The following TMEM202 variants were observed in gnomAD, a reference collection of about 807,000 sequenced individuals.
The protein encoded by TMEM202 is transmembrane protein 202.
Under a neutral mutation model 26.1 loss-of-function variants are expected in TMEM202, and 25 were observed. The observed-to-expected ratio is 0.96, with a 90% confidence interval of 0.70 to 1.34. TMEM202 has a LOEUF of 1.34. TMEM202 is among the 40% of genes most tolerant of loss of function. The pLI is 0.00. For synonymous variants in TMEM202, 122 were observed against 119.0 expected (o/e 1.02, Z -0.16); for missense variants, 301 against 327.7 (o/e 0.92, Z 0.63).
Position 72,407,883 on chromosome 15 carries a change from T to G in TMEM202, c.812T>G (p.Leu271Arg). Reference sequence around the variant, plus strand: ...GAGAAAAATTTACCAAAGTCAGGACTGTGGTGGTGATAGGAAAACCTAACT... The same window carrying G: ...GAGAAAAATTTACCAAAGTCAGGACGGTGGTGGTGATAGGAAAACCTAACT... Reference protein sequence around the residue: ...VREKNLPKSGLWW With the variant: ...VREKNLPKSGRWW Residue 271 changes from leucine (L) to arginine (R), a missense_variant, in exon 5 of 5, where the codon CTG becomes CGG. Transcript: ENST00000341689. The G allele has an allele frequency of 6.2e-7, 1 of 1,613,356 alleles. No homozygotes were observed. The highest frequency in any genetic ancestry group is 8.5e-7 in the Non-Finnish European group (1 of 1,179,862).
chr15:72,406,850 C>A, intron 3 of TMEM202, 99 bp downstream of exon 3: 1 of 1,383,442 alleles, frequency 7.2e-7, no homozygotes, highest in Non-Finnish European at 1.0e-6. Context: ...TATCTCTTTG[C>A]TCTTCTTCAG....
In TMEM202 at chr15:72,408,166, CCAGAGA is replaced by C; in HGVS notation, c.*275_*280del. 2.9e-6 allele frequency: 1 copy of C among 346,696 alleles called. No individual in the cohort carries two copies. The highest frequency in any genetic ancestry group is 4.0e-5 in the South Asian group (1 of 24,904). The allele number at this position is 346,696 out of a possible 1,614,324, so 21.5% of individuals were successfully genotyped here. A position where few individuals can be genotyped will look rare whatever the true frequency, so the allele number is the denominator to read the frequency against. On this transcript the variant is annotated 3_prime_UTR_variant, in exon 5 of 5. Transcript: ENST00000341689. ...ACTAGTGAAAGATGCAGTGTGTAGA[CCAGAGA>C]CCTCTTTGGGTATCAGGGATCTCAT... is the stretch of plus-strand genomic sequence containing the variant.
chr15:72,407,562 C>T (rs1283616854), intron 4 of TMEM202, 129 bp from the exon 5 acceptor site: 6 of 781,588 alleles, frequency 7.7e-6, no homozygotes, highest in East Asian at 5.3e-5. Context: ...TAAAGTAACT[C>T]CACTGGGGGA....
intron 2 of TMEM202, among the ~76,000 whole-genome samples, chr15:72,400,789 G>A (rs2063543790): frequency 6.6e-6 from 1 of 152,240 alleles, no homozygotes; most frequent in South Asian, 2.1e-4. Flanking sequence ...ATAAAAGAAT[G>A]GCTACTCCAT....
At position 72,407,890 on chromosome 15, in the gene TMEM202, G is replaced by C. The variant is rs1052305312; in HGVS notation, c.819G>C (p.Trp273Cys). The change falls in exon 5 of 5, where the codon TGG becomes TGC. Residue 273 changes from tryptophan to cysteine, a missense_variant. Trp to Cys is a radical substitution (Grantham distance 215). Coordinates refer to ENST00000341689, the MANE Select transcript of TMEM202 (RefSeq NM_001080462.3). The stretch of plus-strand genomic sequence containing the variant: ...ATTTACCAAAGTCAGGACTGTGGTG[G>C]TGATAGGAAAACCTAACTATAGCTT... Reference protein sequence around the residue: ...EKNLPKSGLWW With the variant: ...EKNLPKSGLWC The C allele has an allele frequency of 1.9e-6, 3 of 1,612,416 alleles. No individual in the cohort carries two copies. The Admixed American group carries it at 5.0e-5, about 27-fold the overall frequency.
chr15:72,405,079 T>C (rs1473333997), intron 2 of TMEM202, among the ~76,000 whole-genome samples: 1 of 152,188 alleles, frequency 6.6e-6, no homozygotes, highest in Non-Finnish European at 1.5e-5. Context: ...CAATTCATCA[T>C]ATTAGTAAGT....
Position 72,407,149 on chromosome 15 carries a change from C to T in TMEM202, c.551C>T (p.Ala184Val). ...CAGGTTCACTGGCATACTAGGGATG[C>T]CATGGAGTCAGATCTCCTATGGACC... Reference protein sequence around the residue: ...VAQVHWHTRDAMESDLLWTYY... With the variant: ...VAQVHWHTRDVMESDLLWTYY... The change falls in exon 4 of 5, where the codon GCC becomes GTC. Residue 184 changes from alanine to valine, a missense_variant. Ala to Val is a moderately conservative substitution (Grantham distance 64). Coordinates refer to ENST00000341689, the MANE Select transcript of TMEM202 (RefSeq NM_001080462.3). 10 of 1,613,360 alleles carry T rather than the reference C, an allele frequency of 6.2e-6. No homozygotes were observed. Among genetic ancestry groups the T allele is most frequent in the Non-Finnish European group, 8.5e-6 (10 of 1,179,780 alleles).
chr15:72,408,167 C>CA lies in TMEM202; in HGVS notation c.*275dup, dbSNP rs2063582750. ...CTAGTGAAAGATGCAGTGTGTAGACCAGAGACCTCTTTGGGTATCAGGGAT... is the reference window on the plus strand; with the variant it reads ...CTAGTGAAAGATGCAGTGTGTAGACCAAGAGACCTCTTTGGGTATCAGGGAT... On this transcript the variant is annotated 3_prime_UTR_variant, in exon 5 of 5. Transcript: ENST00000341689. The CA allele has an allele frequency of 5.8e-6, 2 of 346,016 alleles. No homozygotes were observed. The highest frequency in any genetic ancestry group is 1.1e-5 in the Non-Finnish European group (2 of 187,820). The allele number at this position is 346,016 out of a possible 1,614,324, so 21.4% of individuals were successfully genotyped here. A position where few individuals can be genotyped will look rare whatever the true frequency, so the allele number is the denominator to read the frequency against.
intron 2 of TMEM202, among the ~76,000 whole-genome samples, chr15:72,404,291 T>C (rs1203754800): frequency 6.6e-6 from 1 of 152,194 alleles, no homozygotes; most frequent in East Asian, 1.9e-4. Context: ...AGTGTGCACC[T>C]GTGGTCCCAG....
chr15:72,406,298 C>T (rs570637123), intron 2 of TMEM202, among the ~76,000 whole-genome samples: 7 of 151,984 alleles, frequency 4.6e-5, no homozygotes, highest in East Asian at 1.9e-4. Context: ...TTATGTTGAA[C>T]GCGTATTACT....
At chr15:72,407,040 G>T in intron 3 of TMEM202, 46 bp from the exon 4 acceptor site, 2 of 1,605,544 alleles carry the variant, frequency 1.2e-6, no homozygotes, top group South Asian at 1.1e-5. Flanking sequence ...GGGGAAGACA[G>T]ACTGAAGATG....
chr15:72,401,042 G>A (rs2063545170), intron 2 of TMEM202, among the ~76,000 whole-genome samples: 1 of 152,166 alleles, frequency 6.6e-6, no homozygotes, highest in Non-Finnish European at 1.5e-5. Context: ...TATAATTCAT[G>A]TATAATGAGC....
chr15:72,402,988 T>C (rs1299163828), intron 2 of TMEM202, among the ~76,000 whole-genome samples: 2 of 152,112 alleles, frequency 1.3e-5, no homozygotes, highest in Non-Finnish European at 2.9e-5. Context: ...GCGGTCACAA[T>C]GGCAGCAGCG....
At chr15:72,406,945 T>A in intron 3 of TMEM202, 141 bp from the exon 4 acceptor site, 1 of 1,266,616 alleles carries the variant, frequency 7.9e-7, no homozygotes, top group Non-Finnish European at 1.1e-6. Flanking sequence ...AGAGCCTTTC[T>A]CTCATCTTGG....
In TMEM202 at chr15:72,406,603, T is replaced by G. The variant is rs765037995; in HGVS notation, c.339T>G (p.Tyr113Ter). 3.1e-6 allele frequency: 5 copies of G among 1,613,582 alleles called. No individual in the cohort carries two copies. Among genetic ancestry groups the G allele is most frequent in the South Asian group, 1.1e-5 (1 of 90,992 alleles). Reference sequence around the variant, plus strand: ...CTTCCTTTCCTCTTCTTCATGCAGATTATCTCCAATATTCCAGGGCCTTCT... The same window carrying G: ...CTTCCTTTCCTCTTCTTCATGCAGAGTATCTCCAATATTCCAGGGCCTTCT... ...LCWSHTPKPPYYLQYSRAFFL... is the reference protein window; with the variant it reads ...LCWSHTPKPP Residue 113 changes from tyrosine (Y) to a stop codon, truncating the protein, a stop_gained and splice_region_variant, in exon 3 of 5, where the codon TAT (tyrosine) becomes TAG (stop). Coordinates refer to ENST00000341689, the MANE Select transcript of TMEM202 (RefSeq NM_001080462.3). LOFTEE classifies it high-confidence loss of function.
At chr15:72,398,481 C>A (rs1595822686) in intron 1 of TMEM202, 74 bp downstream of exon 1, 1 of 1,442,540 alleles carries the variant, frequency 6.9e-7, no homozygotes, top group Non-Finnish European at 9.4e-7. Flanking sequence ...ACAGAGCATC[C>A]TAAAGACAGA....
At chr15:72,403,682 A>T (rs931709378) in intron 2 of TMEM202, among the ~76,000 whole-genome samples, 8 of 152,376 alleles carry the variant, frequency 5.3e-5, no homozygotes, top group Non-Finnish European at 1.2e-4. Context: ...AGGAGATAGA[A>T]GCTTGAAATC....
rs2140359845 is a variant in TMEM202 at position 72,406,689 on chromosome 15, T to C, written c.425T>C (p.Leu142Pro). The change falls in exon 3 of 5, where the codon CTT (leucine) becomes CCT (proline). Residue 142 changes from leucine to proline, a missense_variant. Transcript: ENST00000341689. Reference sequence around the variant, plus strand: ...GGCTGGCTCTTCAGCTCTTGGATCCTTAATCGAGGAAGCATGACCACCAAC... The same window carrying C: ...GGCTGGCTCTTCAGCTCTTGGATCCCTAATCGAGGAAGCATGACCACCAAC... Reference protein sequence around the residue: ...GLGWLFSSWILNRGSMTTNLD... With the variant: ...GLGWLFSSWIPNRGSMTTNLD... The C allele has an allele frequency of 6.2e-7, 1 of 1,614,150 alleles. No individual in the cohort carries two copies. Among genetic ancestry groups the C allele is most frequent in the East Asian group, 2.2e-5 (1 of 44,878 alleles).
chr15:72,401,951 ATTATTTAT>A (rs547703741), intron 2 of TMEM202, among the ~76,000 whole-genome samples: 1 of 151,964 alleles, frequency 6.6e-6, no homozygotes, highest in Non-Finnish European at 1.5e-5. Flanking sequence ...GCCCGAATAC[ATTATTTAT>A]TTATTTATTT....
Sources: allele counts gnomAD v4.1 joint callset (sites outside exome capture counted in the v4.1 genomes callset), GRCh38; gene constraint gnomAD v4.1.1; transcripts MANE v1.5; gene names NCBI Gene and HGNC (gene_info 2026-07-23, HGNC 2026-07-21).